The following VEZT variants were observed in gnomAD, a reference collection of about 807,000 sequenced individuals.
The protein encoded by VEZT is vezatin.
A neutral mutation model predicts 79.9 loss-of-function variants in VEZT; 39 were observed. That is an observed-to-expected ratio of 0.49 (90% confidence interval 0.38 to 0.64). VEZT has a LOEUF of 0.64. VEZT is among the 30% of genes least tolerant of loss of function. The pLI is 0.00. For missense variants in VEZT, 837 were observed against 893.1 expected (o/e 0.94, Z 0.80); for synonymous variants, 325 against 327.6 (o/e 0.99, Z 0.09).
chr12:95,290,339 G>C (rs1484845397), intron 9 of VEZT, among the ~76,000 whole-genome samples: 1 of 152,062 alleles, frequency 6.6e-6, no homozygotes, highest in African/African-American at 2.4e-5. Context: ...TAAAAACTTA[G>C]TGTTCACACA....
chr12:95,288,518 TC>T (rs1207010785), intron 9 of VEZT, among the ~76,000 whole-genome samples: 2 of 152,332 alleles, frequency 1.3e-5, no homozygotes, highest in East Asian at 3.9e-4. Flanking sequence ...ACCATATTTA[TC>T]TCTTGGATGT....
At chr12:95,292,357 G>GT (rs767891626) in intron 9 of VEZT, among the ~76,000 whole-genome samples, 16 of 151,552 alleles carry the variant, frequency 1.1e-4, no homozygotes, top group Non-Finnish European at 2.1e-4. Context: ...GATTTATTTG[G>GT]TTTTTTTTCT....
At chr12:95,246,318 T>G (rs1246705397) in intron 1 of VEZT, among the ~76,000 whole-genome samples, 1 of 152,118 alleles carries the variant, frequency 6.6e-6, no homozygotes, top group Non-Finnish European at 1.5e-5. Flanking sequence ...AGACGGGGTT[T>G]CACCATGTTG....
chr12:95,296,301 G>T (rs1027350063), intron 11 of VEZT, 43 bp downstream of exon 11: 5 of 1,512,134 alleles, frequency 3.3e-6, no homozygotes, highest in African/African-American at 1.4e-5. Flanking sequence ...CAATGTAGGG[G>T]ATTCTTTCTT....
chr12:95,261,497 C>T (rs1363122857), intron 3 of VEZT, among the ~76,000 whole-genome samples: 5 of 152,154 alleles, frequency 3.3e-5, no homozygotes, highest in Admixed American at 1.3e-4. Flanking sequence ...CTGCAACCTC[C>T]GCCTCCTGGG....
At chr12:95,234,830 G>A (rs990204676) in intron 1 of VEZT, among the ~76,000 whole-genome samples, 2 of 152,158 alleles carry the variant, frequency 1.3e-5, no homozygotes, top group Non-Finnish European at 2.9e-5. Flanking sequence ...GTGTCCCTGG[G>A]TGCTTGAGAT....
intron 8 of VEZT, among the ~76,000 whole-genome samples, chr12:95,282,889 G>C (rs1336606259): frequency 6.6e-6 from 1 of 152,132 alleles, no homozygotes; most frequent in East Asian, 1.9e-4. Context: ...TGGAAAAGTA[G>C]GCTAAAAGCA....
intron 2 of VEZT, among the ~76,000 whole-genome samples, chr12:95,256,240 G>T (rs539267894): frequency 6.6e-6 from 1 of 152,088 alleles, no homozygotes; most frequent in South Asian, 2.1e-4. Context: ...TCGTAGAGAC[G>T]GGGTTTCTCC....
intron 1 of VEZT, among the ~76,000 whole-genome samples, chr12:95,238,078 A>T (rs913012776): frequency 7.2e-5 from 11 of 152,190 alleles, no homozygotes; most frequent in African/African-American, 2.7e-4. Flanking sequence ...ACCTTATAGA[A>T]TATATCATAT....
intron 1 of VEZT, among the ~76,000 whole-genome samples, chr12:95,240,073 G>GGAAAGA (rs2060804853): frequency 1.0e-5 from 1 of 98,902 alleles, no homozygotes; most frequent in Non-Finnish European, 2.3e-5. Context: ...AGGAAGGAAG[G>GGAAAGA]AAGAAAAGAA....
chr12:95,226,298 T>C lies in VEZT; in HGVS notation c.36+8412T>C, dbSNP rs78990712. Among the ~76,000 whole-genome samples, 459 of 152,146 alleles carry C rather than the reference T, an allele frequency of 3.0e-3. 1 individual carries two copies. Among genetic ancestry groups the C allele is most frequent in the South Asian group, 0.011 (54 of 4,816 alleles). On this transcript the variant is annotated intron_variant, in intron 1 of 11. Transcript: ENST00000436874. ...CTGCCTCTGTAACACAAGAGATACA[T>C]TGGAAGAAGGATTATAGAATAGAGA...
chr12:95,260,098 CTTTTTTTT>C (rs56756447), intron 3 of VEZT, among the ~76,000 whole-genome samples: 1 of 68,506 alleles, frequency 1.5e-5, no homozygotes, highest in Non-Finnish European at 2.6e-5. Flanking sequence ...TGGTTGATCA[CTTTTTTTT>C]TTTTTTTTTT....
chr12:95,300,459 C>T lies in VEZT; in HGVS notation c.2126C>T (p.Thr709Ile), dbSNP rs371064385. 4.3e-6 allele frequency: 7 copies of T among 1,613,966 alleles called. No individual in the cohort carries two copies. In the South Asian group the frequency reaches 4.4e-5, roughly 10 times the overall value. ...CAAGCAGATGGAAGTGGTCTGACCA[C>T]TGCCCCTCCAACTCCCAGGGACTCA... ...EPQADGSGLT[T>I]APPTPRDSLQ... The change falls in exon 12 of 12, where the codon ACT (threonine) becomes ATT (isoleucine). Residue 709 changes from threonine to isoleucine, a missense_variant. Thr to Ile is a moderately conservative substitution (Grantham distance 89). Transcript: ENST00000436874.
intron 3 of VEZT, among the ~76,000 whole-genome samples, chr12:95,261,041 A>G (rs148241135): frequency 0.013 from 1,922 of 151,984 alleles, 44 homozygotes; most frequent in African/African-American, 0.044. Flanking sequence ...GGCTAAAAGA[A>G]AGATCAACAT....
intron 3 of VEZT, chr12:95,258,411 C>A (rs1253920944): frequency 9.0e-6 from 3 of 331,846 alleles, no homozygotes; most frequent in African/African-American, 4.3e-5. Context: ...ACAGTGCCAG[C>A]TTCTGTATGC....
chr12:95,257,285 T>C, intron 3 of VEZT, 46 bp downstream of exon 3: 5 of 1,397,858 alleles, frequency 3.6e-6, no homozygotes, highest in Non-Finnish European at 4.9e-6. Flanking sequence ...TCTAGGTTAT[T>C]AGTGAAATAA....
Position 95,266,635 on chromosome 12 carries a change from G to T in VEZT, c.710+3G>T. 1 of 1,575,662 alleles carries T rather than the reference G, an allele frequency of 6.3e-7. No individual in the cohort carries two copies. The highest frequency in any genetic ancestry group is 8.6e-7 in the Non-Finnish European group (1 of 1,163,226). ...GTGATTTCCAGAGGATTTACACTGT[G>T]AGTTCATTTTTTATTTTATTTCTTA... On this transcript the variant is annotated splice_donor_region_variant and intron_variant, in intron 5 of 11. Transcript: ENST00000436874.
At chr12:95,254,113 T>C (rs1256967364) in intron 2 of VEZT, among the ~76,000 whole-genome samples, 1 of 152,066 alleles carries the variant, frequency 6.6e-6, no homozygotes, top group African/African-American at 2.4e-5. Flanking sequence ...CCCAAGTACC[T>C]GGGACCACGG....
Position 95,266,358 on chromosome 12 carries a change from G to T in VEZT, c.436G>T (p.Asp146Tyr). Residue 146 changes from aspartate (D) to tyrosine (Y), a missense_variant and splice_region_variant, in exon 5 of 12, where the codon GAT becomes TAT. Coordinates refer to ENST00000436874, the MANE Select transcript of VEZT (RefSeq NM_017599.4). ...ATTTTCTTCCTTTCTTGTTCCCAGG[G>T]ATCTCTCAATGCTATTTGCCTTCAT... ...LCSLATPNIW[D>Y]LSMLFAFISL... 1.2e-6 allele frequency: 2 copies of T among 1,604,980 alleles called. No individual in the cohort carries two copies. Among genetic ancestry groups the T allele is most frequent in the Non-Finnish European group, 1.7e-6 (2 of 1,173,772 alleles).
Sources: gnomAD v4.1 joint callset for allele counts (sites outside exome capture counted in the v4.1 genomes callset) on GRCh38, gnomAD v4.1.1 for gene constraint, MANE v1.5 for transcripts, NCBI Gene and HGNC (gene_info 2026-07-23, HGNC 2026-07-21) for gene names.